SEMA3A: variants seen among roughly 807,000 people sequenced by gnomAD.
SEMA3A encodes semaphorin-3A.
In SEMA3A, 29 loss-of-function variants were observed where a neutral mutation model predicts 97.9. The observed-to-expected ratio is 0.30, with a 90% confidence interval of 0.22 to 0.40. The LOEUF (loss-of-function observed/expected upper bound fraction) is 0.40. Ranked by LOEUF, SEMA3A falls within the 10% of genes least tolerant of loss-of-function variation. The pLI is 1.00. For synonymous variants in SEMA3A, 321 were observed against 323.7 expected, an observed-to-expected ratio of 0.99 and a Z score of 0.09; for missense variants, 763 against 951.3, an observed-to-expected ratio of 0.80 and a Z score of 2.60.
At position 84,063,851 on chromosome 7, in the gene SEMA3A, T is replaced by C. The variant is rs866544770; in HGVS notation, c.454-3293A>G. On this transcript the variant is annotated intron_variant, in intron 4 of 16. Coordinates refer to ENST00000265362, the MANE Select transcript of SEMA3A (RefSeq NM_006080.3). ...CCAAGTTGGAAAACACTCTGCAGGA[T>C]ATTATCCAGGAGAACTTCCCCAATC... 5.8e-3 allele frequency among the ~76,000 whole-genome samples: 873 copies of C among 149,720 alleles called. 6 individuals are homozygous for C. Among genetic ancestry groups the C allele is most frequent in the Middle Eastern group, 0.031 (9 of 294 alleles).
chr7:84,241,699 G>T (rs922804965), intron 3 of SEMA3A, among the ~76,000 whole-genome samples: 1 of 152,242 alleles, frequency 6.6e-6, no homozygotes, highest in South Asian at 2.1e-4. Flanking sequence ...TGAAGTCTTT[G>T]CCCATGCCAA....
At chr7:83,984,608 C>CTTTTTTTTTTTTTT (rs371082897) in intron 13 of SEMA3A, among the ~76,000 whole-genome samples, 3 of 98,882 alleles carry the variant, frequency 3.0e-5, no homozygotes, top group Admixed American at 1.4e-4. Flanking sequence ...GATTTTTCTG[C>CTTTTTTTTTTTTTT]TTTTTTTTTT....
At chr7:84,130,469 T>C (rs995637100) in intron 2 of SEMA3A, among the ~76,000 whole-genome samples, 1 of 152,162 alleles carries the variant, frequency 6.6e-6, no homozygotes, top group African/African-American at 2.4e-5. Context: ...AAGTTCTAAA[T>C]TTGAGTATTC....
chr7:84,358,540 C>T (rs1197883326), intron 2 of SEMA3A, among the ~76,000 whole-genome samples: 2 of 152,184 alleles, frequency 1.3e-5, no homozygotes, highest in Non-Finnish European at 2.9e-5. Flanking sequence ...GTTACTGTAG[C>T]CTTGCAGTAT....
rs547967797 is a variant in SEMA3A, at chr7:84,189,441, T to C, written c.112+5034A>G. 2.0e-5 allele frequency among the ~76,000 whole-genome samples: 3 copies of C among 151,916 alleles called. No homozygotes were observed. The East Asian group carries it at 5.8e-4, about 29-fold the overall frequency. On this transcript the variant is annotated intron_variant, in intron 1 of 16. Transcript: ENST00000265362. ...GATTAAACATTATTCAAAATAATCC[T>C]GACTTTAGATTTTGAAATTCTTCAA...
At chr7:84,431,050 A>G (rs1437338105) in intron 1 of SEMA3A, among the ~76,000 whole-genome samples, 1 of 152,036 alleles carries the variant, frequency 6.6e-6, no homozygotes, top group Non-Finnish European at 1.5e-5. Context: ...CTCTAAAAGC[A>G]TTAGATATTC....
At chr7:84,344,742 CA>C (rs1159563240) in intron 2 of SEMA3A, among the ~76,000 whole-genome samples, 6 of 152,022 alleles carry the variant, frequency 3.9e-5, no homozygotes, top group Non-Finnish European at 8.8e-5. Flanking sequence ...AAAGAATAGG[CA>C]GAAAAATATC....
chr7:84,413,790 GAAAC>G (rs1335073893), intron 1 of SEMA3A, among the ~76,000 whole-genome samples: 1 of 151,996 alleles, frequency 6.6e-6, no homozygotes, highest in African/African-American at 2.4e-5. Context: ...TTTTAAAAAA[GAAAC>G]AATAAATAAT....
At chr7:84,000,895 T>G (rs1790413636) in intron 12 of SEMA3A, among the ~76,000 whole-genome samples, 1 of 152,144 alleles carries the variant, frequency 6.6e-6, no homozygotes, top group Non-Finnish European at 1.5e-5. Flanking sequence ...GTAAGACATC[T>G]TGGGAAAACT....
chr7:84,167,555 T>C (rs902580621), intron 1 of SEMA3A, among the ~76,000 whole-genome samples: 1 of 152,194 alleles, frequency 6.6e-6, no homozygotes, highest in Non-Finnish European at 1.5e-5. Context: ...TCCAGACACA[T>C]AGAGAGATGA....
chr7:84,313,375 T>C (rs1355349043), intron 2 of SEMA3A, among the ~76,000 whole-genome samples: 2 of 67,302 alleles, frequency 3.0e-5, no homozygotes, highest in Non-Finnish European at 6.4e-5. Flanking sequence ...TATATATATA[T>C]ATATATATAT....
chr7:84,392,392 T>G (rs1450501664), intron 1 of SEMA3A, among the ~76,000 whole-genome samples: 1 of 152,178 alleles, frequency 6.6e-6, no homozygotes, highest in Non-Finnish European at 1.5e-5. Context: ...TTGCAAATGA[T>G]AAGGTATCTT....
rs1355017131 is a variant in SEMA3A, at chr7:84,110,454, A to G, written c.453+16T>C. 1.9e-6 allele frequency: 3 copies of G among 1,612,490 alleles called. No individual in the cohort carries two copies. Among genetic ancestry groups the G allele is most frequent in the Non-Finnish European group, 2.5e-6 (3 of 1,179,370 alleles). ...GGGGTCATGGACAAATATAATTTTTAAAAAGCCAGCGTTACCTCAGGATGA... is the reference window on the plus strand; with the variant it reads ...GGGGTCATGGACAAATATAATTTTTGAAAAGCCAGCGTTACCTCAGGATGA... On this transcript the variant is annotated intron_variant, in intron 4 of 16. Transcript: ENST00000265362.
intron 3 of SEMA3A, among the ~76,000 whole-genome samples, chr7:84,122,851 TA>T (rs1795669509): frequency 6.6e-6 from 1 of 152,120 alleles, no homozygotes; most frequent in Non-Finnish European, 1.5e-5. Flanking sequence ...ATCATATCAT[TA>T]AGAGGAGTAA....
intron 3 of SEMA3A, among the ~76,000 whole-genome samples, chr7:84,227,118 C>T (rs539956271): frequency 4.0e-5 from 6 of 151,404 alleles, no homozygotes; most frequent in South Asian, 2.1e-4. Flanking sequence ...TCTCTATTGG[C>T]GATATCTATT....
At chr7:84,030,575 G>A (rs1324229861) in intron 6 of SEMA3A, among the ~76,000 whole-genome samples, 2 of 152,032 alleles carry the variant, frequency 1.3e-5, no homozygotes, top group Admixed American at 6.6e-5. Flanking sequence ...AACTCTTTCT[G>A]CAATCCACAG....
At chr7:84,109,815 T>A (rs1795222503) in intron 4 of SEMA3A, among the ~76,000 whole-genome samples, 1 of 152,236 alleles carries the variant, frequency 6.6e-6, no homozygotes. Flanking sequence ...AGGCTATTGA[T>A]AAGCCAAATT....
chr7:84,310,944 G>T (rs1226890131), intron 2 of SEMA3A, among the ~76,000 whole-genome samples: 1 of 151,014 alleles, frequency 6.6e-6, no homozygotes, highest in Non-Finnish European at 1.5e-5. Context: ...ATCAATTAAG[G>T]TTTAATTTCA....
intron 4 of SEMA3A, among the ~76,000 whole-genome samples, chr7:84,084,910 T>C (rs779714118): frequency 2.0e-5 from 3 of 152,094 alleles, no homozygotes; most frequent in Non-Finnish European, 4.4e-5. Context: ...ATATTGCTGA[T>C]TCCAAGATAG....
Sources: gnomAD v4.1 joint callset for allele counts (sites outside exome capture counted in the v4.1 genomes callset) on GRCh38, gnomAD v4.1.1 for gene constraint, MANE v1.5 for transcripts, NCBI Gene and HGNC (gene_info 2026-07-23, HGNC 2026-07-21) for gene names.